Variants in DLGAP2 observed in about 807,000 individuals in gnomAD.
DLGAP2 encodes the protein DLG associated protein 2.
In DLGAP2, 26 loss-of-function variants were observed where a neutral mutation model predicts 100.3. That is an observed-to-expected ratio of 0.26 (90% CI 0.19 to 0.36). The LOEUF (loss-of-function observed/expected upper bound fraction) is 0.36, where lower values mean the gene tolerates loss of function less well. Among genes scored for constraint, DLGAP2 ranks in the 10% least tolerant of loss-of-function variants. The probability of loss-of-function intolerance (pLI) is 1.00; values close to 1 mark genes in which losing one functional copy is unlikely to be tolerated. For missense variants in DLGAP2, 1,858 were observed against 1,453.2 expected, an observed-to-expected ratio of 1.28 and a Z score of -4.53; for synonymous variants, 886 against 630.1, an observed-to-expected ratio of 1.41 and a Z score of -6.08.
intron 12 of DLGAP2, among the ~76,000 whole-genome samples, chr8:1,686,785 G>A (rs939806422): frequency 2.0e-5 from 3 of 152,166 alleles, no homozygotes; most frequent in African/African-American, 4.8e-5. Context: ...ATACAGTTAG[G>A]TGGAAGAAAT....
chr8:738,332 G>T (rs1372326503), intron 1 of DLGAP2, among the ~76,000 whole-genome samples: 1 of 150,072 alleles, frequency 6.7e-6, no homozygotes, highest in African/African-American at 2.5e-5. Context: ...CTGCGCGCAC[G>T]GGGGCTCGCG....
rs754531951 is a variant in DLGAP2 at position 1,549,296 on chromosome 8, G to A, written c.843G>A (p.Lys281=). ...AGCACAGCAAGAGGAGCAAGAGCAAGGAGCGCAAGCCGGAGGGCAAGCCCC... is the reference window on the plus strand; with the variant it reads ...AGCACAGCAAGAGGAGCAAGAGCAAAGAGCGCAAGCCGGAGGGCAAGCCCC... ...HAKHSKRSKS[K]ERKPEGKPRP... is the part of the protein sequence containing the mutation. The change falls in exon 5 of 15, where the codon AAG becomes AAA. Residue 281 remains lysine, a synonymous_variant. Transcript: ENST00000637795. 5 of 1,612,314 alleles carry A rather than the reference G, an allele frequency of 3.1e-6. No homozygotes were observed. In the African/African-American group the frequency reaches 6.7e-5, roughly 22 times the overall value.
intron 2 of DLGAP2, among the ~76,000 whole-genome samples, chr8:943,638 G>A: frequency 6.7e-6 from 1 of 149,842 alleles, no homozygotes; most frequent in East Asian, 2.3e-4. Flanking sequence ...ACGTCGTGAT[G>A]TGGCCATCCC....
At chr8:1,486,635 C>G (rs903578667) in intron 3 of DLGAP2, among the ~76,000 whole-genome samples, 1 of 148,698 alleles carries the variant, frequency 6.7e-6, no homozygotes, top group Non-Finnish European at 1.5e-5. Context: ...ACAACACTAA[C>G]AGAACTGCAT....
At chr8:1,028,263 T>C (rs1801871814) in intron 2 of DLGAP2, among the ~76,000 whole-genome samples, 1 of 137,842 alleles carries the variant, frequency 7.3e-6, no homozygotes, top group South Asian at 2.5e-4. Flanking sequence ...AGGCGCCCGT[T>C]ATTCTCCAGG....
intron 2 of DLGAP2, among the ~76,000 whole-genome samples, chr8:1,206,446 A>G (rs80311220): frequency 0.098 from 4,166 of 42,358 alleles, 20 homozygotes; most frequent in African/African-American, 0.3. Context: ...CCATCCGTGG[A>G]CTGGGGTAGA....
intron 4 of DLGAP2, among the ~76,000 whole-genome samples, chr8:1,508,963 C>T (rs1408214450): frequency 2.0e-5 from 3 of 152,150 alleles, no homozygotes; most frequent in Admixed American, 2.0e-4. Flanking sequence ...TGGGCTGCAA[C>T]TCATTAATGA....
chr8:905,004 G>C (rs557280894), intron 1 of DLGAP2, among the ~76,000 whole-genome samples: 3 of 152,308 alleles, frequency 2.0e-5, no homozygotes, highest in East Asian at 1.9e-4. Context: ...GGCCGTGGCT[G>C]GTCTGGATTT....
At chr8:838,628 G>T (rs1385849952) in intron 1 of DLGAP2, among the ~76,000 whole-genome samples, 1 of 152,072 alleles carries the variant, frequency 6.6e-6, no homozygotes, top group East Asian at 1.9e-4. Flanking sequence ...CCAAAAAAAG[G>T]GAAAAGCTCT....
intron 1 of DLGAP2, among the ~76,000 whole-genome samples, chr8:905,980 C>G (rs552503489): frequency 1.4e-4 from 21 of 152,354 alleles, no homozygotes; most frequent in Admixed American, 1.1e-3. Context: ...TTTATTCCCG[C>G]TTCTTCAAGA....
intron 3 of DLGAP2, among the ~76,000 whole-genome samples, chr8:1,366,276 C>T (rs1802106492): frequency 1.3e-5 from 2 of 152,310 alleles, no homozygotes; most frequent in South Asian, 4.1e-4. Context: ...CCCATTTGTA[C>T]TATAGCCAGT....
chr8:1,023,009 A>G (rs983502740), intron 2 of DLGAP2, among the ~76,000 whole-genome samples: 1 of 152,242 alleles, frequency 6.6e-6, no homozygotes, highest in Non-Finnish European at 1.5e-5. Context: ...ACTCGCATGT[A>G]TCTTTGTACA....
rs144345343 is a variant in DLGAP2 at position 1,703,688 on chromosome 8, T to A, written c.*2282T>A. On this transcript the variant is annotated 3_prime_UTR_variant, in exon 15 of 15. Transcript: ENST00000637795. ...AACATAGAAAAGCAAACTGTTAAAG[T>A]AGTCAATAATTATTTGTCTCAGATC... is the stretch of plus-strand genomic sequence containing the variant. The A allele has an allele frequency of 1.3e-5, 2 of 152,344 alleles. No individual in the cohort carries two copies. Among genetic ancestry groups the A allele is most frequent in the Non-Finnish European group, 2.9e-5 (2 of 68,032 alleles). 9.4% of individuals were successfully genotyped at this position (152,344 alleles called of 1,614,324 possible). A position where few individuals can be genotyped will look rare whatever the true frequency, so the allele number is the denominator to read the frequency against.
chr8:1,069,765 T>C (rs1253161099), intron 2 of DLGAP2, among the ~76,000 whole-genome samples: 1 of 152,174 alleles, frequency 6.6e-6, no homozygotes, highest in Non-Finnish European at 1.5e-5. Flanking sequence ...GAATTCAACA[T>C]CATGTTTGGA....
rs2128990723 is a variant in DLGAP2, at chr8:866,087, T to C, written c.19-41825T>C. Among the ~76,000 whole-genome samples, 3 of 152,162 alleles carry C rather than the reference T, an allele frequency of 2.0e-5. 1 individual carries two copies. Among genetic ancestry groups the C allele is most frequent in the Admixed American group, 2.0e-4 (3 of 15,300 alleles). On this transcript the variant is annotated intron_variant, in intron 1 of 14. Transcript: ENST00000637795. ...GATGGTGTTTCGGAGCCATGGTGCT[T>C]ATTGGTTTATCTCAGGCACAGTGGC... is the stretch of plus-strand genomic sequence containing the variant.
intron 2 of DLGAP2, among the ~76,000 whole-genome samples, chr8:1,220,826 G>T (rs779033473): frequency 6.6e-6 from 1 of 152,094 alleles, no homozygotes; most frequent in Non-Finnish European, 1.5e-5. Context: ...AAGCCTTCTT[G>T]TTGAATTGAA....
intron 2 of DLGAP2, among the ~76,000 whole-genome samples, chr8:1,218,069 T>A (rs1420341472): frequency 6.6e-6 from 1 of 152,216 alleles, no homozygotes; most frequent in Non-Finnish European, 1.5e-5. Context: ...TGTTGATAGT[T>A]TCTTTTTCTA....
chr8:1,007,898 A>G (rs1801167466), intron 2 of DLGAP2, among the ~76,000 whole-genome samples: 2 of 152,164 alleles, frequency 1.3e-5, no homozygotes, highest in South Asian at 4.1e-4. Context: ...AAAATGTCCC[A>G]TAGTAGGGGA....
chr8:838,151 C>G (rs1020669585), intron 1 of DLGAP2, among the ~76,000 whole-genome samples: 47 of 152,048 alleles, frequency 3.1e-4, no homozygotes, highest in African/African-American at 1.1e-3. Flanking sequence ...ATGTCCTAAA[C>G]ATACTTTACA....
Sources: allele counts gnomAD v4.1 joint callset (sites outside exome capture counted in the v4.1 genomes callset), GRCh38; gene constraint gnomAD v4.1.1; transcripts MANE v1.5; gene names NCBI Gene and HGNC (gene_info 2026-07-23, HGNC 2026-07-21).